The following BNC2 variants were observed in gnomAD, a reference collection of about 807,000 sequenced individuals.
BNC2 encodes the protein zinc finger protein basonuclin-2.
Under a neutral mutation model 76.3 loss-of-function variants are expected in BNC2, and 20 were observed. The ratio of observed to expected loss-of-function variants is 0.26; its 90% CI spans 0.18 to 0.38. The LOEUF (loss-of-function observed/expected upper bound fraction) is 0.38, where lower values mean the gene tolerates loss of function less well. BNC2 is among the 10% of genes least tolerant of loss of function. BNC2 has a pLI of 1.00. For missense variants in BNC2, 1,382 were observed against 1,399.8 expected, an observed-to-expected ratio of 0.99 and a Z score of 0.20; for synonymous variants, 582 against 514.8, an observed-to-expected ratio of 1.13 and a Z score of -1.77.
chr9:16,725,098 C>A (rs377253418), intron 3 of BNC2, among the ~76,000 whole-genome samples: 1 of 152,038 alleles, frequency 6.6e-6, no homozygotes, highest in African/African-American at 2.4e-5. Context: ...TTTGATTAAA[C>A]TGGACAAACT....
chr9:16,562,380 C>A (rs1261051213), intron 4 of BNC2, among the ~76,000 whole-genome samples: 1 of 152,170 alleles, frequency 6.6e-6, no homozygotes, highest in East Asian at 1.9e-4. Flanking sequence ...AAGTGATGCC[C>A]ACTCTTTTAA....
Position 16,418,682 on chromosome 9 carries a change from G to A in BNC2, c.*307C>T, listed in dbSNP as rs1475262520. 47 of 320,270 alleles carry A rather than the reference G, an allele frequency of 1.5e-4. No individual in the cohort carries two copies. Among genetic ancestry groups the A allele is most frequent in the African/African-American group, 9.8e-4 (40 of 40,772 alleles). 19.8% of individuals were successfully genotyped at this position (320,270 alleles called of 1,614,324 possible). ...TTGCACACTGTGTGTGTGTGTGTGTGTGTGTGTGTATGTGCATGTGTGTGT... is the reference window on the plus strand; with the variant it reads ...TTGCACACTGTGTGTGTGTGTGTGTATGTGTGTGTATGTGCATGTGTGTGT... On this transcript the variant is annotated 3_prime_UTR_variant, in exon 7 of 7. Transcript: ENST00000380672.
chr9:16,592,555 G>C (rs1210275669), intron 3 of BNC2, among the ~76,000 whole-genome samples: 5 of 152,062 alleles, frequency 3.3e-5, no homozygotes, highest in African/African-American at 1.2e-4. Flanking sequence ...ACAGCTAAAG[G>C]GCATGGAGTT....
At chr9:16,678,267 CTT>C (rs140809930) in intron 3 of BNC2, among the ~76,000 whole-genome samples, 1,303 of 80,436 alleles carry the variant, frequency 0.016, 6 homozygotes, top group Middle Eastern at 0.046. Flanking sequence ...CTTTCTTTTT[CTT>C]TTTTTTTTTT....
At chr9:16,845,622 G>A (rs985433693) in intron 1 of BNC2, among the ~76,000 whole-genome samples, 12 of 152,282 alleles carry the variant, frequency 7.9e-5, no homozygotes, top group South Asian at 2.1e-4. Context: ...TTGGGAGGCC[G>A]AGGCAGGAGA....
At chr9:16,494,401 T>C (rs1366843997) in intron 5 of BNC2, among the ~76,000 whole-genome samples, 1 of 152,034 alleles carries the variant, frequency 6.6e-6, no homozygotes, top group African/African-American at 2.4e-5. Context: ...TCCACCTGCC[T>C]TGGCCTCCCA....
intron 1 of BNC2, among the ~76,000 whole-genome samples, chr9:16,816,727 TC>T (rs1333703324): frequency 1.3e-5 from 2 of 152,220 alleles, no homozygotes; most frequent in Admixed American, 6.5e-5. Context: ...GTGTGCTTTT[TC>T]TTTTTTCCTT....
chr9:16,625,627 A>G (rs967845018), intron 3 of BNC2: 2 of 152,208 alleles, frequency 1.3e-5, no homozygotes, highest in African/African-American at 4.8e-5. Context: ...AACTTCATAC[A>G]GAAAAGAGGT....
At chr9:16,754,006 A>C (rs1825301443) in intron 1 of BNC2, among the ~76,000 whole-genome samples, 1 of 152,196 alleles carries the variant, frequency 6.6e-6, no homozygotes, top group African/African-American at 2.4e-5. Flanking sequence ...GCTCCAGCCC[A>C]GATGGGCTCC....
intron 5 of BNC2, among the ~76,000 whole-genome samples, chr9:16,464,863 C>A (rs1421080378): frequency 1.3e-5 from 2 of 152,156 alleles, no homozygotes; most frequent in Non-Finnish European, 2.9e-5. Flanking sequence ...CATAAGTCTT[C>A]CATCAAGATG....
intron 1 of BNC2, among the ~76,000 whole-genome samples, chr9:16,827,357 G>C (rs913570848): frequency 6.6e-6 from 1 of 152,170 alleles, no homozygotes; most frequent in Non-Finnish European, 1.5e-5. Flanking sequence ...CTTCCTGAGA[G>C]CAGGTACTCC....
chr9:16,766,875 C>A (rs1020226162), intron 1 of BNC2, among the ~76,000 whole-genome samples: 1 of 151,962 alleles, frequency 6.6e-6, no homozygotes, highest in Non-Finnish European at 1.5e-5. Context: ...AGGTTGCCCT[C>A]CCCACACAAA....
chr9:16,860,519 A>G (rs946257550), intron 1 of BNC2, among the ~76,000 whole-genome samples: 16 of 152,278 alleles, frequency 1.1e-4, no homozygotes, highest in Middle Eastern at 6.8e-3. Context: ...ACCTCATACT[A>G]TTTACAGAAG....
At chr9:16,709,135 C>G (rs958839106) in intron 3 of BNC2, among the ~76,000 whole-genome samples, 1 of 152,114 alleles carries the variant, frequency 6.6e-6, no homozygotes, top group African/African-American at 2.4e-5. Flanking sequence ...TTCCGCTTTC[C>G]TATTTGGGCT....
At chr9:16,560,724 C>A (rs1245489699) in intron 4 of BNC2, among the ~76,000 whole-genome samples, 1 of 152,130 alleles carries the variant, frequency 6.6e-6, no homozygotes, top group Non-Finnish European at 1.5e-5. Context: ...GAGACCGCAT[C>A]TCTAAACAGC....
At chr9:16,595,133 C>T (rs913200029) in intron 3 of BNC2, among the ~76,000 whole-genome samples, 2 of 152,032 alleles carry the variant, frequency 1.3e-5, no homozygotes, top group Non-Finnish European at 2.9e-5. Flanking sequence ...AATCTGAAAA[C>T]AGTGAGACAA....
rs147343716 is a variant in BNC2 at position 16,503,220 on chromosome 9, A to C, written c.669+49310T>G. ...CCCCCTCCCACAATTTTGTCCCAAA[A>C]CGTTACAACAAACATCATTTCTAAG... On this transcript the variant is annotated intron_variant, in intron 5 of 6. Coordinates refer to ENST00000380672, the MANE Select transcript of BNC2 (RefSeq NM_017637.6). Among the ~76,000 whole-genome samples, 808 of 152,272 alleles carry C rather than the reference A, an allele frequency of 5.3e-3. 10 individuals are homozygous for C. Among genetic ancestry groups the C allele is most frequent in the African/African-American group, 0.019 (770 of 41,554 alleles).
intron 5 of BNC2, among the ~76,000 whole-genome samples, chr9:16,478,870 A>T (rs1237424777): frequency 6.6e-6 from 1 of 152,358 alleles, no homozygotes; most frequent in African/African-American, 2.4e-5. Flanking sequence ...ACTAAAGAAA[A>T]GAAGCATGAC....
intron 5 of BNC2, among the ~76,000 whole-genome samples, chr9:16,545,849 G>T (rs746631728): frequency 6.6e-6 from 1 of 152,096 alleles, no homozygotes. Context: ...TCTACGATCC[G>T]AGAAAATGGC....
Sources: gnomAD v4.1 joint callset for allele counts (sites outside exome capture counted in the v4.1 genomes callset) on GRCh38, gnomAD v4.1.1 for gene constraint, MANE v1.5 for transcripts, NCBI Gene and HGNC (gene_info 2026-07-23, HGNC 2026-07-21) for gene names.